Variants in RORA observed in about 807,000 individuals in gnomAD.
The protein encoded by RORA is nuclear receptor ROR-alpha.
Under a neutral mutation model 69.5 loss-of-function variants are expected in RORA, and 7 were observed. That is an observed-to-expected ratio of 0.10 (90% confidence interval 0.06 to 0.19). The LOEUF is 0.19. RORA is among the 10% of genes least tolerant of loss of function. The pLI is 1.00. For missense variants in RORA, 457 were observed against 663.0 expected (o/e 0.69, Z 3.41); for synonymous variants, 261 against 240.8 (o/e 1.08, Z -0.78).
intron 2 of RORA, among the ~76,000 whole-genome samples, chr15:60,664,586 A>C (rs949359224): frequency 6.6e-6 from 1 of 152,206 alleles, no homozygotes; most frequent in East Asian, 1.9e-4. Flanking sequence ...TGTGAAGCTG[A>C]GAAAGTAAGA....
chr15:60,642,120 A>T (rs927498948), intron 2 of RORA, among the ~76,000 whole-genome samples: 2 of 152,214 alleles, frequency 1.3e-5, no homozygotes, highest in African/African-American at 4.8e-5. Flanking sequence ...TAGCTCAGGG[A>T]GTCATTCTTT....
intron 1 of RORA, among the ~76,000 whole-genome samples, chr15:61,130,452 C>T (rs2079180467): frequency 6.6e-6 from 1 of 151,156 alleles, no homozygotes; most frequent in Admixed American, 6.6e-5. Flanking sequence ...ATGGAAGAAC[C>T]AAGTGAATGC....
At chr15:61,185,879 C>G (rs538989481) in intron 1 of RORA, among the ~76,000 whole-genome samples, 1 of 152,152 alleles carries the variant, frequency 6.6e-6, no homozygotes, top group African/African-American at 2.4e-5. Flanking sequence ...ATGCCCAGAC[C>G]GAGACCTGCA....
At chr15:60,672,334 C>G (rs2070486324) in intron 2 of RORA, among the ~76,000 whole-genome samples, 1 of 152,136 alleles carries the variant, frequency 6.6e-6, no homozygotes. Context: ...AAATGAAGCT[C>G]TTCATTTTAA....
At chr15:61,200,348 G>A (rs1341606530) in intron 1 of RORA, among the ~76,000 whole-genome samples, 1 of 152,134 alleles carries the variant, frequency 6.6e-6, no homozygotes, top group African/African-American at 2.4e-5. Context: ...GCCATCCAGG[G>A]CAGGCAAAGG....
chr15:61,027,091 AAAGCCTGTTT>A (rs1305674802), intron 1 of RORA, among the ~76,000 whole-genome samples: 4 of 152,156 alleles, frequency 2.6e-5, no homozygotes, highest in Admixed American at 2.6e-4. Context: ...TTGAATTATA[AAAGCCTGTTT>A]GTTTATGTCT....
intron 1 of RORA, among the ~76,000 whole-genome samples, chr15:61,019,765 C>A (rs181115774): frequency 1.3e-5 from 2 of 152,288 alleles, no homozygotes; most frequent in Admixed American, 1.3e-4. Flanking sequence ...TCCTAATGAC[C>A]ATCTTCCCTC....
rs555173945 is a variant in RORA at position 60,618,905 on chromosome 15, C to G, written c.196+59752G>C. Among the ~76,000 whole-genome samples the G allele has an allele frequency of 1.1e-4, 17 of 152,328 alleles. 1 individual carries two copies. Among genetic ancestry groups the G allele is most frequent in the African/African-American group, 3.8e-4 (16 of 41,566 alleles). ...CTGCCTTAACACCTCCTTGCTGACACATGCCCAAAGGTGCTCAGCATAAAA... is the reference window on the plus strand; with the variant it reads ...CTGCCTTAACACCTCCTTGCTGACAGATGCCCAAAGGTGCTCAGCATAAAA... On this transcript the variant is annotated intron_variant, in intron 2 of 10. Coordinates refer to ENST00000335670, the MANE Select transcript of RORA (RefSeq NM_134261.3).
intron 1 of RORA, among the ~76,000 whole-genome samples, chr15:61,028,960 T>C (rs561431622): frequency 2.8e-4 from 43 of 152,138 alleles, no homozygotes; most frequent in African/African-American, 1.0e-3. Context: ...GAGTGACTGC[T>C]AGTGGGTATG....
intron 1 of RORA, among the ~76,000 whole-genome samples, chr15:61,017,835 T>C (rs2140408005): frequency 6.6e-6 from 1 of 152,338 alleles, no homozygotes; most frequent in Admixed American, 6.5e-5. Context: ...TGTGCATTCC[T>C]TCCTAATCGC....
At chr15:60,559,034 A>G (rs186815575) in intron 2 of RORA, among the ~76,000 whole-genome samples, 2 of 152,284 alleles carry the variant, frequency 1.3e-5, no homozygotes, top group East Asian at 3.9e-4. Flanking sequence ...TGTAATATCA[A>G]ATATACTTTA....
intron 1 of RORA, among the ~76,000 whole-genome samples, chr15:61,156,733 C>T (rs541996772): frequency 3.3e-5 from 5 of 152,264 alleles, no homozygotes; most frequent in South Asian, 2.1e-4. Flanking sequence ...TCCAGACTCC[C>T]CCATGTTATA....
chr15:60,605,028 TACAG>T (rs1203703164), intron 2 of RORA, among the ~76,000 whole-genome samples: 2 of 152,184 alleles, frequency 1.3e-5, no homozygotes, highest in Non-Finnish European at 2.9e-5. Flanking sequence ...TATTTGGACA[TACAG>T]ATAGTGCTAA....
At chr15:60,540,587 G>A (rs1479511579) in intron 2 of RORA, among the ~76,000 whole-genome samples, 3 of 95,922 alleles carry the variant, frequency 3.1e-5, no homozygotes, top group Admixed American at 1.3e-4. Flanking sequence ...AAAACTGTGC[G>A]GTCACAAAAC....
At chr15:60,814,231 C>G (rs1285215836) in intron 1 of RORA, among the ~76,000 whole-genome samples, 2 of 152,174 alleles carry the variant, frequency 1.3e-5, no homozygotes, top group African/African-American at 2.4e-5. Context: ...AACCTTGGCT[C>G]CTCCCCAAAA....
chr15:60,534,237 C>T lies in RORA; in HGVS notation c.197-2386G>A, dbSNP rs2066613009. On this transcript the variant is annotated intron_variant, in intron 2 of 10. Coordinates refer to ENST00000335670, the MANE Select transcript of RORA (RefSeq NM_134261.3). This position sits in a 1 kb window ranked among gnomAD's most constrained non-coding sequence, Gnocchi z 5.0. ...GGTGGCCTTGGGAGTACTATACTGG[C>T]CCCAGCACTTCCACCCTTGGAATGG... Among the ~76,000 whole-genome samples the T allele has an allele frequency of 6.6e-6, 1 of 152,120 alleles. No individual in the cohort carries two copies. The highest frequency in any genetic ancestry group is 6.5e-5 in the Admixed American group (1 of 15,268).
chr15:61,095,936 C>T (rs2078783042), intron 1 of RORA, among the ~76,000 whole-genome samples: 1 of 152,200 alleles, frequency 6.6e-6, no homozygotes, highest in African/African-American at 2.4e-5. Context: ...GAGATGGCCC[C>T]TGAAGGATCT....
rs112624948 is a variant in RORA at position 61,065,493 on chromosome 15, C to A, written c.166+163560G>T. Among the ~76,000 whole-genome samples the A allele has an allele frequency of 5.9e-5, 9 of 152,230 alleles. 3 individuals are homozygous for A. The highest frequency in any genetic ancestry group is 2.2e-4 in the African/African-American group (9 of 41,538). ...ATTGACTGGTTAAACCATGTCTCTGCAATCCCACTAGCTCCATGAGGACAT... is the reference window on the plus strand; with the variant it reads ...ATTGACTGGTTAAACCATGTCTCTGAAATCCCACTAGCTCCATGAGGACAT... On this transcript the variant is annotated intron_variant, in intron 1 of 10. Transcript: ENST00000335670.
intron 1 of RORA, among the ~76,000 whole-genome samples, chr15:60,747,289 G>A (rs965892613): frequency 2.6e-5 from 4 of 152,154 alleles, no homozygotes; most frequent in Non-Finnish European, 5.9e-5. Flanking sequence ...TTTTAACTGG[G>A]AGATGGGCAT....
Sources: gnomAD v4.1 joint callset for allele counts (sites outside exome capture counted in the v4.1 genomes callset) on GRCh38, gnomAD v4.1.1 for gene constraint, Gnocchi (gnomAD v3.1) non-coding constraint, MANE v1.5 for transcripts, NCBI Gene and HGNC (gene_info 2026-07-23, HGNC 2026-07-21) for gene names.